Variants in BRD7 observed in about 807,000 individuals in gnomAD.
BRD7 encodes bromodomain containing 7.
A neutral mutation model predicts 82.1 loss-of-function variants in BRD7; 15 were observed. The ratio of observed to expected loss-of-function variants is 0.18; its 90% CI spans 0.12 to 0.28. The LOEUF (loss-of-function observed/expected upper bound fraction) is 0.28, where lower values mean the gene tolerates loss of function less well. BRD7 is among the 10% of genes least tolerant of loss of function. The pLI is 1.00. For missense variants in BRD7, 638 were observed against 779.9 expected (o/e 0.82, Z 2.17); for synonymous variants, 232 against 266.9 (o/e 0.87, Z 1.27).
At chr16:50,344,243 CA>C (rs777384437) in intron 5 of BRD7, among the ~76,000 whole-genome samples, 15 of 152,114 alleles carry the variant, frequency 9.9e-5, no homozygotes, top group Non-Finnish European at 1.9e-4. Flanking sequence ...ACATCCGCAC[CA>C]AAACTCCATC....
chr16:50,319,852 G>A lies in BRD7; in HGVS notation c.1900+35C>T. 3 of 1,603,200 alleles carry A rather than the reference G, an allele frequency of 1.9e-6. No individual in the cohort carries two copies. The South Asian group carries it at 3.4e-5, about 18-fold the overall frequency. Reference sequence around the variant, plus strand: ...CTGAGGGATGACTATAGTCACCATAGCTTTCTGCTTTCCCAGAGAAAACAG... The same window carrying A: ...CTGAGGGATGACTATAGTCACCATAACTTTCTGCTTTCCCAGAGAAAACAG... On this transcript the variant is annotated intron_variant, in intron 16 of 16. Transcript: ENST00000394688.
At chr16:50,349,318 C>T (rs868452463) in intron 5 of BRD7, 35 of 310,370 alleles carry the variant, frequency 1.1e-4, no homozygotes, top group Middle Eastern at 1.2e-3. Flanking sequence ...ATGGGTTCAG[C>T]GCACCAACAT....
intron 12 of BRD7, 98 bp from the exon 13 acceptor site, chr16:50,322,136 G>T: frequency 1.1e-6 from 1 of 934,162 alleles, no homozygotes; most frequent in Non-Finnish European, 1.7e-6. Context: ...AAGAGAAAAT[G>T]AATACAAATA....
At chr16:50,351,493 T>G (rs527344400) in intron 4 of BRD7, among the ~76,000 whole-genome samples, 20 of 152,338 alleles carry the variant, frequency 1.3e-4, no homozygotes, top group African/African-American at 2.9e-4. Context: ...GAGGAAATTA[T>G]CTAACTCCTA....
chr16:50,357,992 A>G (rs1201828693), intron 2 of BRD7, among the ~76,000 whole-genome samples: 1 of 152,042 alleles, frequency 6.6e-6, no homozygotes, highest in Non-Finnish European at 1.5e-5. Flanking sequence ...AAACAAAACA[A>G]ATCAAAACAA....
intron 6 of BRD7, among the ~76,000 whole-genome samples, chr16:50,337,122 CTTGA>C (rs1169171179): frequency 6.6e-6 from 1 of 152,104 alleles, no homozygotes; most frequent in Non-Finnish European, 1.5e-5. Context: ...GGACTTGAAC[CTTGA>C]TTGGTCTGAT....
chr16:50,331,429 C>T (rs758394336), intron 8 of BRD7, among the ~76,000 whole-genome samples: 8 of 152,302 alleles, frequency 5.3e-5, no homozygotes, highest in South Asian at 4.1e-4. Context: ...AGGCTGGGCA[C>T]GGTGGCTCAT....
intron 2 of BRD7, among the ~76,000 whole-genome samples, chr16:50,358,074 A>C (rs1479753951): frequency 3.3e-5 from 5 of 152,232 alleles, no homozygotes; most frequent in Non-Finnish European, 7.3e-5. Flanking sequence ...CACAACTACT[A>C]AACTCTGCTT....
chr16:50,322,113 G>A, intron 12 of BRD7, 75 bp from the exon 13 acceptor site: 1 of 1,211,016 alleles, frequency 8.3e-7, no homozygotes, highest in South Asian at 1.4e-5. Context: ...AAAACTGTCA[G>A]GAGTTTCTTG....
At chr16:50,323,522 T>C (rs371668383) in intron 12 of BRD7, 65 bp downstream of exon 12, 2 of 1,271,656 alleles carry the variant, frequency 1.6e-6, no homozygotes, top group Non-Finnish European at 2.3e-6. Context: ...GGTTTCATTA[T>C]ACTGAATGAC....
chr16:50,342,712 C>T (rs1417890829), intron 5 of BRD7, among the ~76,000 whole-genome samples: 1 of 152,060 alleles, frequency 6.6e-6, no homozygotes, highest in Non-Finnish European at 1.5e-5. Context: ...TAAGCCACCA[C>T]ACCTGGCCAT....
chr16:50,347,880 T>A (rs1181291965), intron 5 of BRD7, among the ~76,000 whole-genome samples: 3 of 152,184 alleles, frequency 2.0e-5, no homozygotes, highest in African/African-American at 7.2e-5. Context: ...AAGCTACCAA[T>A]GACTTTCTTC....
In BRD7 at chr16:50,325,809, C is replaced by T. The variant is rs773167671; in HGVS notation, c.1270G>A (p.Asp424Asn). The part of the protein sequence containing the change: ...YDSTFANISK[D>N]DSDLIYSTYG... ...GTTGAATAGATTAAATCAGAATCAT[C>T]CTTGCTGATATTTGCAAATGTGGAG... Residue 424 changes from aspartate (D) to asparagine (N), a missense_variant, in exon 11 of 17, where the codon GAT becomes AAT. Around this residue, in one of 3 missense-constraint regions of BRD7, gnomAD observed 402 missense variants for 500.8 expected, o/e 0.80. Coordinates refer to ENST00000394688, the MANE Select transcript of BRD7 (RefSeq NM_013263.5). The T allele has an allele frequency of 5.0e-6, 8 of 1,612,176 alleles. No homozygotes were observed. The Admixed American group carries it at 6.7e-5, about 14-fold the overall frequency.
At position 50,334,804 on chromosome 16, in the gene BRD7, C is replaced by G. The variant is rs765071682; in HGVS notation, c.794G>C (p.Ser265Thr). Residue 265 changes from serine to threonine, a missense_variant, in exon 7 of 17, where the codon AGT becomes ACT. Transcript: ENST00000394688. ...KQKDGTDTSQ[S>T]GEDGGCWQRE... ...CTGCCAGCAGCCTCCGTCCTCCCCA[C>G]TCTGTGAGGTGTCTGTTCCATCTTT... The G allele has an allele frequency of 6.2e-7, 1 of 1,614,146 alleles. No individual in the cohort carries two copies. The highest frequency in any genetic ancestry group is 8.5e-7 in the Non-Finnish European group (1 of 1,179,990).
chr16:50,368,717 C>T lies in BRD7; in HGVS notation c.49+9G>A. The T allele has an allele frequency of 6.4e-7, 1 of 1,555,600 alleles. No individual in the cohort carries two copies. Among genetic ancestry groups the T allele is most frequent in the Non-Finnish European group, 8.7e-7 (1 of 1,152,790 alleles). ...GGGCCCGCCGCCCGCACCCCGGCCC[C>T]CTCCTCACCCTCGTAGAGGTGTTTG... On this transcript the variant is annotated intron_variant, in intron 1 of 16. Coordinates refer to ENST00000394688, the MANE Select transcript of BRD7 (RefSeq NM_013263.5).
chr16:50,346,902 T>A (rs1418853456), intron 5 of BRD7, among the ~76,000 whole-genome samples: 2 of 152,204 alleles, frequency 1.3e-5, no homozygotes, highest in African/African-American at 2.4e-5. Flanking sequence ...CCTCCCTAAC[T>A]CATTTTATGA....
At chr16:50,328,431 T>C (rs903520836) in intron 9 of BRD7, among the ~76,000 whole-genome samples, 1 of 151,772 alleles carries the variant, frequency 6.6e-6, no homozygotes, top group Non-Finnish European at 1.5e-5. Context: ...TAATGGCGGG[T>C]TTAAAATATT....
chr16:50,349,266 G>T (rs185013174), intron 5 of BRD7: 125 of 217,372 alleles, frequency 5.8e-4, no homozygotes, highest in African/African-American at 2.6e-3. Flanking sequence ...GCATGGGGGA[G>T]GGGTAGCATT....
At chr16:50,339,313 G>A (rs138121194) in intron 6 of BRD7, among the ~76,000 whole-genome samples, 14 of 152,316 alleles carry the variant, frequency 9.2e-5, no homozygotes, top group Non-Finnish European at 1.6e-4. Context: ...ATTTTGTTGT[G>A]TGACCATCAA....
Sources: gnomAD v4.1 joint callset for allele counts (sites outside exome capture counted in the v4.1 genomes callset) on GRCh38, gnomAD v4.1.1 for gene constraint, gnomAD v4.1.1 regional missense constraint, MANE v1.5 for transcripts, NCBI Gene and HGNC (gene_info 2026-07-23, HGNC 2026-07-21) for gene names.